Variants in SLC35B3 observed in about 807,000 individuals in gnomAD.
SLC35B3 encodes solute carrier family 35 member B3, also known as adenosine 3'-phospho 5'-phosphosulfate transporter 2.
A neutral mutation model predicts 44.1 loss-of-function variants in SLC35B3; 35 were observed. The ratio of observed to expected loss-of-function variants is 0.79; its 90% CI spans 0.61 to 1.05. SLC35B3 has a LOEUF of 1.05. Ranked by LOEUF, SLC35B3 falls within the 50% of genes least tolerant of loss-of-function variation. The pLI is 0.00. For synonymous variants in SLC35B3, 146 were observed against 167.3 expected (o/e 0.87, Z 0.98); for missense variants, 414 against 476.4 (o/e 0.87, Z 1.22).
chr6:8,419,290 G>A lies in SLC35B3; in HGVS notation c.780+290C>T, dbSNP rs2113324906. On this transcript the variant is annotated intron_variant, in intron 7 of 10. Coordinates refer to ENST00000644923, the MANE Select transcript of SLC35B3 (RefSeq NM_001370476.2). The surrounding 1 kb of genome is among the most constrained non-coding windows in gnomAD (Gnocchi z 4.3). The stretch of plus-strand genomic sequence containing the variant: ...TATAAAAATTACAAACTTCTACATG[G>A]AAAAATACTACCCACTAGAAAGAGA... 6.6e-6 allele frequency among the ~76,000 whole-genome samples: 1 copy of A among 151,924 alleles called. No individual in the cohort carries two copies. The highest frequency in any genetic ancestry group is 1.5e-5 in the Non-Finnish European group (1 of 67,858).
chr6:8,422,909 T>TTTG (rs1223997659), intron 4 of SLC35B3, among the ~76,000 whole-genome samples: 1 of 77,734 alleles, frequency 1.3e-5, no homozygotes, highest in Non-Finnish European at 2.6e-5. Context: ...GACAAAAGGT[T>TTTG]TTTTTTTTTT....
intron 3 of SLC35B3, among the ~76,000 whole-genome samples, chr6:8,428,272 G>A (rs898761777): frequency 6.6e-6 from 1 of 152,024 alleles, no homozygotes; most frequent in African/African-American, 2.4e-5. Flanking sequence ...TCTTTTAGAG[G>A]AAATGGTTAA....
rs967848803 is a variant in SLC35B3 at position 8,435,299 on chromosome 6, G to A, written c.-44+44C>T. 1 of 1,289,344 alleles carries A rather than the reference G, an allele frequency of 7.8e-7. No individual in the cohort carries two copies. Among genetic ancestry groups the A allele is most frequent in the Non-Finnish European group, 1.0e-6 (1 of 988,862 alleles). 79.9% of individuals were successfully genotyped at this position (1,289,344 alleles called of 1,614,324 possible). A position where few individuals can be genotyped will look rare whatever the true frequency, so the allele number is the denominator to read the frequency against. On this transcript the variant is annotated intron_variant, in intron 1 of 10. Coordinates refer to ENST00000644923, the MANE Select transcript of SLC35B3 (RefSeq NM_001370476.2). The surrounding 1 kb of genome is among the most constrained non-coding windows in gnomAD (Gnocchi z 5.5). ...TGTCAAGGTTTTCTGGAGGAGAGGAGATCTGGGTCCCAAACACAGGAAAGG... is the reference window on the plus strand; with the variant it reads ...TGTCAAGGTTTTCTGGAGGAGAGGAAATCTGGGTCCCAAACACAGGAAAGG...
rs1199652394 is a variant in SLC35B3 at position 8,432,658 on chromosome 6, G to A, written c.3+1727C>T. On this transcript the variant is annotated intron_variant, in intron 2 of 10. Transcript: ENST00000644923. This position sits in a 1 kb window ranked among gnomAD's most constrained non-coding sequence, Gnocchi z 4.8. Reference sequence around the variant, plus strand: ...TTCTGCACCTTCAAAAGTGGGAGGAGTTAAAAATGTGCCTATCACAGGATT... The same window carrying A: ...TTCTGCACCTTCAAAAGTGGGAGGAATTAAAAATGTGCCTATCACAGGATT... Among the ~76,000 whole-genome samples, 1 of 152,188 alleles carries A rather than the reference G, an allele frequency of 6.6e-6. No homozygotes were observed. The highest frequency in any genetic ancestry group is 2.4e-5 in the African/African-American group (1 of 41,440).
chr6:8,434,489 A>C lies in SLC35B3; in HGVS notation c.-43-59T>G. On this transcript the variant is annotated intron_variant, in intron 1 of 10. Coordinates refer to ENST00000644923, the MANE Select transcript of SLC35B3 (RefSeq NM_001370476.2). This position sits in a 1 kb window ranked among gnomAD's most constrained non-coding sequence, Gnocchi z 6.3. ...AGTTCCATCTCATTTCTTTGTACAC[A>C]CATCATTACACAAAGGTGGAGAAAC... 1 of 1,407,956 alleles carries C rather than the reference A, an allele frequency of 7.1e-7. No individual in the cohort carries two copies. The highest frequency in any genetic ancestry group is 9.8e-7 in the Non-Finnish European group (1 of 1,016,430). 87.2% of individuals were successfully genotyped at this position (1,407,956 alleles called of 1,614,324 possible). A position where few individuals can be genotyped will look rare whatever the true frequency, so the allele number is the denominator to read the frequency against.
Position 8,430,149 on chromosome 6 carries a change from T to G in SLC35B3, c.12A>C (p.Thr4=), listed in dbSNP as rs1217860860. ...TGTTCTGTATGTCTTTTGCTTGCTG[T>G]GTCAAGTCCTAGAGAAGGAAATAAG... The change falls in exon 3 of 11, where the codon ACA becomes ACC. Residue 4 remains threonine (T), a synonymous_variant. Transcript: ENST00000644923. 1 of 1,574,876 alleles carries G rather than the reference T, an allele frequency of 6.3e-7. No individual in the cohort carries two copies. Among genetic ancestry groups the G allele is most frequent in the African/African-American group, 1.4e-5 (1 of 73,350 alleles).
chr6:8,416,540 T>C (rs1161731946), intron 9 of SLC35B3, among the ~76,000 whole-genome samples: 1 of 152,150 alleles, frequency 6.6e-6, no homozygotes, highest in Non-Finnish European at 1.5e-5. Context: ...GCAACAAAAC[T>C]GAAAGTTTCA....
chr6:8,426,850 T>C (rs1763461939), intron 4 of SLC35B3, among the ~76,000 whole-genome samples: 1 of 151,986 alleles, frequency 6.6e-6, no homozygotes, highest in Non-Finnish European at 1.5e-5. Context: ...TAGAGACTTG[T>C]TGAATGGCTT....
At chr6:8,417,786 G>T (rs897679754) in intron 7 of SLC35B3, among the ~76,000 whole-genome samples, 1 of 91,848 alleles carries the variant, frequency 1.1e-5, no homozygotes, top group African/African-American at 5.6e-5. Flanking sequence ...TTTCATATTA[G>T]AGTTCTAAAA....
chr6:8,432,193 T>A lies in SLC35B3; in HGVS notation c.4-2036A>T, dbSNP rs78884044. Among the ~76,000 whole-genome samples the A allele has an allele frequency of 0.019, 2,820 of 152,074 alleles. 64 individuals are homozygous for A. The highest frequency in any genetic ancestry group is 0.05 in the African/African-American group (2,056 of 41,478). On this transcript the variant is annotated intron_variant, in intron 2 of 10. Transcript: ENST00000644923. This position sits in a 1 kb window ranked among gnomAD's most constrained non-coding sequence, Gnocchi z 4.8. ...CCTCTTGATACCCTCAAACTTCAGC[T>A]TGCAATCACTCACCTTCTGCTTGGA... is the stretch of plus-strand genomic sequence containing the variant.
At chr6:8,418,554 C>CAAAAA (rs751859093) in intron 7 of SLC35B3, among the ~76,000 whole-genome samples, 7 of 116,644 alleles carry the variant, frequency 6.0e-5, no homozygotes, top group African/African-American at 2.4e-4. Context: ...ACACTACTTG[C>CAAAAA]AAAAAAAAAA....
intron 4 of SLC35B3, among the ~76,000 whole-genome samples, chr6:8,424,886 A>G (rs1763271918): frequency 6.6e-6 from 1 of 152,236 alleles, no homozygotes; most frequent in Non-Finnish European, 1.5e-5. Context: ...CGGTATTCAC[A>G]TAAATGTGGG....
At chr6:8,424,925 G>A (rs1172960280) in intron 4 of SLC35B3, among the ~76,000 whole-genome samples, 1 of 152,162 alleles carries the variant, frequency 6.6e-6, no homozygotes, top group African/African-American at 2.4e-5. Flanking sequence ...ACAGCAAAGA[G>A]TTTAGCTAAT....
rs1581288414 is a variant in SLC35B3, at chr6:8,435,072, C to T, written c.-44+271G>A. ...AGCGTAAAAGACCCCTTGAGGTCAC[C>T]TCACCCCTGCGAGTCCACGGATTGG... On this transcript the variant is annotated intron_variant, in intron 1 of 10. Transcript: ENST00000644923. This position sits in a 1 kb window ranked among gnomAD's most constrained non-coding sequence, Gnocchi z 5.5. The T allele has an allele frequency of 8.2e-7, 1 of 1,217,886 alleles. No individual in the cohort carries two copies. Among genetic ancestry groups the T allele is most frequent in the Non-Finnish European group, 1.0e-6 (1 of 957,642 alleles). 75.4% of individuals were successfully genotyped at this position (1,217,886 alleles called of 1,614,324 possible).
In SLC35B3 at chr6:8,434,666, A is replaced by C. The variant is rs1460723418; in HGVS notation, c.-43-236T>G. Among the ~76,000 whole-genome samples, 3 of 152,140 alleles carry C rather than the reference A, an allele frequency of 2.0e-5. No homozygotes were observed. The highest frequency in any genetic ancestry group is 2.0e-4 in the Admixed American group (3 of 15,270). On this transcript the variant is annotated intron_variant, in intron 1 of 10. Transcript: ENST00000644923. This position sits in a 1 kb window ranked among gnomAD's most constrained non-coding sequence, Gnocchi z 6.3. ...TCCAAGTTCCAAACTATCTCAATTC[A>C]CTTAGAAAAACGTTTAATCAAAAAA... is the stretch of plus-strand genomic sequence containing the variant.
chr6:8,419,612 T>C lies in SLC35B3; in HGVS notation c.748A>G (p.Met250Val), dbSNP rs1463495359. The stretch of plus-strand genomic sequence containing the variant: ...GAATTAGAAGCATTATGAAGTTTCA[T>C]AGCTTTCTCTTGAACATTTCCAATG... The change falls in exon 7 of 11, where the codon ATG (methionine) becomes GTG (valine). Residue 250 changes from methionine to valine, a missense_variant. Coordinates refer to ENST00000644923, the MANE Select transcript of SLC35B3 (RefSeq NM_001370476.2). The surrounding 1 kb of genome is among the most constrained non-coding windows in gnomAD (Gnocchi z 4.3). 1.9e-6 allele frequency: 3 copies of C among 1,567,012 alleles called. No individual in the cohort carries two copies. Among genetic ancestry groups the C allele is most frequent in the African/African-American group, 1.4e-5 (1 of 73,774 alleles).
intron 3 of SLC35B3, among the ~76,000 whole-genome samples, chr6:8,428,644 A>G (rs891892110): frequency 5.9e-5 from 9 of 152,180 alleles, no homozygotes. Context: ...AAAATATCTG[A>G]TTATTAATTA....
rs895456463 is a variant in SLC35B3, at chr6:8,411,568, A to G, written c.*1981T>C. Among the ~76,000 whole-genome samples the G allele has an allele frequency of 6.6e-6, 1 of 152,214 alleles. No homozygotes were observed. The highest frequency in any genetic ancestry group is 1.5e-5 in the Non-Finnish European group (1 of 68,020). On this transcript the variant is annotated 3_prime_UTR_variant, in exon 11 of 11. Coordinates refer to ENST00000644923, the MANE Select transcript of SLC35B3 (RefSeq NM_001370476.2). ...TGAAGTATGCATTAAGATCCCGTCT[A>G]TCTTAAGCCAGGAAAAATTTTAAAT...
At position 8,412,557 on chromosome 6, in the gene SLC35B3, T is replaced by A. The variant is rs1762088683; in HGVS notation, c.*992A>T. ...CATACTTACATGATGCAGAATGATG[T>A]CTGTTTTTACTACCTTGCCTATATT... On this transcript the variant is annotated 3_prime_UTR_variant, in exon 11 of 11. Transcript: ENST00000644923. 6.6e-6 allele frequency among the ~76,000 whole-genome samples: 1 copy of A among 152,198 alleles called. No individual in the cohort carries two copies. Among genetic ancestry groups the A allele is most frequent in the Non-Finnish European group, 1.5e-5 (1 of 68,024 alleles).
Sources: gnomAD v4.1 joint callset for allele counts (sites outside exome capture counted in the v4.1 genomes callset) on GRCh38, gnomAD v4.1.1 for gene constraint, Gnocchi (gnomAD v3.1) non-coding constraint, MANE v1.5 for transcripts, NCBI Gene and HGNC (gene_info 2026-07-23, HGNC 2026-07-21) for gene names.